The following CSMD3 variants were observed in gnomAD, a reference collection of about 807,000 sequenced individuals.
CSMD3 encodes the protein CUB and sushi domain-containing protein 3.
CSMD3 carries 177 observed loss-of-function variants against 435.2 expected under a neutral mutation model. The ratio of observed to expected loss-of-function variants is 0.41; its 90% CI spans 0.36 to 0.46. The LOEUF (loss-of-function observed/expected upper bound fraction) is 0.46, where lower values mean the gene tolerates loss of function less well. Ranked by LOEUF, CSMD3 falls within the 20% of genes least tolerant of loss-of-function variation. The pLI is 0.34. For missense variants in CSMD3, 4,265 were observed against 4,504.6 expected, an observed-to-expected ratio of 0.95 and a Z score of 1.52; for synonymous variants, 1,656 against 1,520.5, an observed-to-expected ratio of 1.09 and a Z score of -2.07.
chr8:112,666,811 T>G (rs1003685600), intron 16 of CSMD3, among the ~76,000 whole-genome samples: 1 of 152,140 alleles, frequency 6.6e-6, no homozygotes, highest in Non-Finnish European at 1.5e-5. Context: ...CTAATTCATC[T>G]TATACACTAA....
At chr8:113,369,593 A>G (rs902114461) in intron 1 of CSMD3, among the ~76,000 whole-genome samples, 2 of 151,964 alleles carry the variant, frequency 1.3e-5, no homozygotes, top group African/African-American at 2.4e-5. Context: ...TGTCAAAGAG[A>G]TATCTGAATT....
At chr8:112,896,038 A>G (rs1490860124) in intron 10 of CSMD3, among the ~76,000 whole-genome samples, 1 of 151,376 alleles carries the variant, frequency 6.6e-6, no homozygotes, top group Non-Finnish European at 1.5e-5. Context: ...ATTCTTTGAC[A>G]CTCCTTCCAT....
chr8:112,455,221 A>C (rs547615412), intron 32 of CSMD3, among the ~76,000 whole-genome samples: 1 of 152,322 alleles, frequency 6.6e-6, no homozygotes, highest in Non-Finnish European at 1.5e-5. Context: ...AAATAAAGAA[A>C]ATGTATTACT....
In CSMD3 at chr8:112,494,494, C is replaced by CTTTTCTTTCTTTCTTTCTTT. The variant is rs377610586; in HGVS notation, c.5084-1812_5084-1811insAAAGAAAGAAAGAAAGAAAA. Among the ~76,000 whole-genome samples, 25 of 40,228 alleles carry CTTTTCTTTCTTTCTTTCTTT rather than the reference C, an allele frequency of 6.2e-4. 4 individuals carry two copies. The highest frequency in any genetic ancestry group is 3.5e-3 in the East Asian group (7 of 2,018). The allele number at this position is 40,228 out of a possible 152,430, so 26.4% of individuals were successfully genotyped here. A position where few individuals can be genotyped will look rare whatever the true frequency, so the allele number is the denominator to read the frequency against. ...TTTCTTTTCTTTTGTTTCTTTCTCTCCTTTCTTTCTTTCTTTCTTTCTTTC... is the reference window on the plus strand; with the variant it reads ...TTTCTTTTCTTTTGTTTCTTTCTCTCTTTTCTTTCTTTCTTTCTTTCTTTCTTTCTTTCTTTCTTTCTTTC... On this transcript the variant is annotated intron_variant, in intron 30 of 70. Transcript: ENST00000297405.
intron 3 of CSMD3, among the ~76,000 whole-genome samples, chr8:113,220,853 C>T (rs572776990): frequency 1.3e-5 from 2 of 151,476 alleles, no homozygotes; most frequent in East Asian, 3.9e-4. Flanking sequence ...ACACTATATG[C>T]CTTCTGATGC....
chr8:112,859,011 T>C, intron 11 of CSMD3, 134 bp downstream of exon 11: 3 of 730,696 alleles, frequency 4.1e-6, no homozygotes, highest in Middle Eastern at 5.6e-4. Context: ...GTTTATAAAC[T>C]GTTAAGTAGG....
At chr8:112,927,420 T>A (rs1443139491) in intron 9 of CSMD3, among the ~76,000 whole-genome samples, 1 of 152,124 alleles carries the variant, frequency 6.6e-6, no homozygotes, top group Admixed American at 6.6e-5. Flanking sequence ...TTCCTCCAAC[T>A]AGTTTGGGAT....
intron 27 of CSMD3, among the ~76,000 whole-genome samples, chr8:112,545,198 T>C (rs994206050): frequency 5.9e-5 from 9 of 152,092 alleles, no homozygotes; most frequent in Non-Finnish European, 4.4e-5. Flanking sequence ...CAAATGCTCC[T>C]CCTGGCCAGG....
chr8:112,563,405 CT>C lies in CSMD3; in HGVS notation c.4043-6452del, dbSNP rs200729243. ...CTTTCAGGAGTTAAGATAAAAGGATCTTTTTTTTTTTTAATGGCAGATGCTT... is the reference window on the plus strand; with the variant it reads ...CTTTCAGGAGTTAAGATAAAAGGATCTTTTTTTTTTTAATGGCAGATGCTT... On this transcript the variant is annotated intron_variant, in intron 24 of 70. Coordinates refer to ENST00000297405, the MANE Select transcript of CSMD3 (RefSeq NM_198123.2). Among the ~76,000 whole-genome samples the C allele has an allele frequency of 7.8e-3, 1,107 of 141,478 alleles. 5 individuals are homozygous for C. Among genetic ancestry groups the C allele is most frequent in the Middle Eastern group, 0.019 (5 of 262 alleles). The allele number at this position is 141,478 out of a possible 152,430, so 92.8% of individuals were successfully genotyped here.
intron 8 of CSMD3, among the ~76,000 whole-genome samples, chr8:112,952,344 C>G (rs2083848406): frequency 2.0e-5 from 3 of 151,508 alleles, no homozygotes; most frequent in Admixed American, 2.0e-4. Context: ...TGACTTTGGG[C>G]CGTGCCCATC....
At chr8:112,662,123 T>A (rs2075396251) in intron 17 of CSMD3, among the ~76,000 whole-genome samples, 1 of 152,042 alleles carries the variant, frequency 6.6e-6, no homozygotes, top group South Asian at 2.1e-4. Flanking sequence ...TTCAATGCCA[T>A]CCCCATCAAG....
chr8:113,376,618 G>T (rs2094384920), intron 1 of CSMD3: 2 of 1,121,776 alleles, frequency 1.8e-6, no homozygotes, highest in Non-Finnish European at 2.7e-6. Flanking sequence ...CTCATCAAAA[G>T]AAAGTTTACC....
chr8:113,023,159 T>C (rs2086744836), intron 5 of CSMD3, among the ~76,000 whole-genome samples: 1 of 152,112 alleles, frequency 6.6e-6, no homozygotes, highest in Non-Finnish European at 1.5e-5. Context: ...CAGCCATATC[T>C]GGTTTTCAAA....
intron 38 of CSMD3, among the ~76,000 whole-genome samples, chr8:112,365,269 C>T (rs1352912854): frequency 1.3e-5 from 2 of 151,946 alleles, no homozygotes; most frequent in Non-Finnish European, 2.9e-5. Context: ...GCAAAATTGG[C>T]TCTTTTTCTC....
intron 19 of CSMD3, 112 bp downstream of exon 19, chr8:112,650,049 G>T: frequency 1.2e-6 from 1 of 804,812 alleles, no homozygotes; most frequent in Non-Finnish European, 2.0e-6. Flanking sequence ...GAAATCAAAA[G>T]AACTTTTAAA....
At chr8:112,725,933 T>G (rs957333027) in intron 13 of CSMD3, among the ~76,000 whole-genome samples, 32 of 152,014 alleles carry the variant, frequency 2.1e-4, no homozygotes, top group African/African-American at 6.8e-4. Context: ...TGCCTGAGAC[T>G]GGGTAATTTA....
chr8:112,549,284 T>C (rs1010198326), intron 27 of CSMD3, among the ~76,000 whole-genome samples: 2 of 152,058 alleles, frequency 1.3e-5, no homozygotes, highest in African/African-American at 4.8e-5. Context: ...TATACAAATA[T>C]GAAGAATATT....
chr8:112,720,346 A>C (rs35974707), intron 13 of CSMD3, among the ~76,000 whole-genome samples: 1 of 151,414 alleles, frequency 6.6e-6, no homozygotes, highest in Non-Finnish European at 1.5e-5. Flanking sequence ...CCCTGCTTTC[A>C]ACTGATCCTT....
intron 10 of CSMD3, among the ~76,000 whole-genome samples, chr8:112,917,577 A>G (rs1488864235): frequency 2.0e-5 from 3 of 152,020 alleles, no homozygotes; most frequent in African/African-American, 7.2e-5. Context: ...CGGCAACATC[A>G]GCAACTGCTG....
Sources: allele counts gnomAD v4.1 joint callset (sites outside exome capture counted in the v4.1 genomes callset), GRCh38; gene constraint gnomAD v4.1.1; transcripts MANE v1.5; gene names NCBI Gene and HGNC (gene_info 2026-07-23, HGNC 2026-07-21).